CCDC62: variants seen among roughly 807,000 people sequenced by gnomAD.
CCDC62 encodes the protein coiled-coil domain containing 62.
Under a neutral mutation model 80.8 loss-of-function variants are expected in CCDC62, and 72 were observed. The ratio of observed to expected loss-of-function variants is 0.89; its 90% CI spans 0.74 to 1.08. The LOEUF is 1.08. Among genes scored for constraint, CCDC62 ranks in the 50% least tolerant of loss-of-function variants. CCDC62 has a pLI of 0.00. For missense variants in CCDC62, 704 were observed against 809.4 expected (o/e 0.87, Z 1.58); for synonymous variants, 286 against 296.5 (o/e 0.96, Z 0.36).
At chr12:122,812,088 G>A (rs1004682619) in intron 10 of CCDC62, among the ~76,000 whole-genome samples, 1 of 152,070 alleles carries the variant, frequency 6.6e-6, no homozygotes, top group Admixed American at 6.6e-5. Context: ...TCGCATGGGT[G>A]TTACTTCATT....
chr12:122,824,243 G>A (rs886627330), intron 12 of CCDC62, among the ~76,000 whole-genome samples: 4 of 151,310 alleles, frequency 2.6e-5, no homozygotes, highest in Admixed American at 6.6e-5. Flanking sequence ...TGGTGAAACC[G>A]CGTTTCTACT....
At chr12:122,804,800 C>T (rs1368641739) in intron 9 of CCDC62, among the ~76,000 whole-genome samples, 1 of 151,690 alleles carries the variant, frequency 6.6e-6, no homozygotes, top group African/African-American at 2.4e-5. Context: ...TCACTGCAGC[C>T]TCTAACTCCT....
intron 1 of CCDC62, among the ~76,000 whole-genome samples, chr12:122,776,341 C>G (rs1397907529): frequency 6.6e-6 from 1 of 151,896 alleles, no homozygotes; most frequent in Non-Finnish European, 1.5e-5. Flanking sequence ...CTGTATACTT[C>G]AAAGAAATTA....
At chr12:122,796,147 A>G (rs969193144) in intron 6 of CCDC62, among the ~76,000 whole-genome samples, 2 of 152,142 alleles carry the variant, frequency 1.3e-5, no homozygotes, top group Non-Finnish European at 2.9e-5. Flanking sequence ...TTAAGGCAAC[A>G]TTCAAATATA....
chr12:122,793,279 G>A (rs1008126179), intron 6 of CCDC62, among the ~76,000 whole-genome samples: 2 of 152,034 alleles, frequency 1.3e-5, no homozygotes, highest in Non-Finnish European at 2.9e-5. Context: ...CTGAGGGTAG[G>A]TATCAGTAGA....
intron 3 of CCDC62, among the ~76,000 whole-genome samples, chr12:122,782,212 C>T (rs573423911): frequency 2.2e-4 from 34 of 152,094 alleles, no homozygotes; most frequent in Middle Eastern, 3.4e-3. Context: ...AAAATGCATA[C>T]GTGTGTGTAC....
intron 10 of CCDC62, 109 bp downstream of exon 10, chr12:122,806,404 G>GTTTTTTT: frequency 2.3e-6 from 1 of 438,130 alleles, no homozygotes; most frequent in Non-Finnish European, 3.8e-6. Context: ...CTATTCCTCC[G>GTTTTTTT]TTTTTTTTTT....
At position 122,801,201 on chromosome 12, in the gene CCDC62, T is replaced by G; in HGVS notation, c.1055T>G (p.Leu352Arg). ...DIKREKNQKS[L>R]FKDQKFEAML... ...AAGAGGGAAAAAAATCAGAAGTCAC[T>G]GTTTAAGGACCAGAAATTTGAAGCC... The change falls in exon 9 of 13, where the codon CTG becomes CGG. Residue 352 changes from leucine (L) to arginine (R), a missense_variant. Physicochemically the swap from Leu to Arg is moderately radical, Grantham distance 102. Coordinates refer to ENST00000253079, the MANE Select transcript of CCDC62 (RefSeq NM_201435.5). The G allele has an allele frequency of 6.2e-7, 1 of 1,614,038 alleles. No individual in the cohort carries two copies. Among genetic ancestry groups the G allele is most frequent in the Admixed American group, 1.7e-5 (1 of 59,982 alleles).
intron 6 of CCDC62, among the ~76,000 whole-genome samples, chr12:122,794,944 T>G (rs2030843496): frequency 6.6e-6 from 1 of 152,174 alleles, no homozygotes; most frequent in African/African-American, 2.4e-5. Flanking sequence ...GTACTAAGAT[T>G]ATAGGCATGA....
chr12:122,802,088 G>A (rs1202024740), intron 9 of CCDC62, among the ~76,000 whole-genome samples: 1 of 152,144 alleles, frequency 6.6e-6, no homozygotes, highest in Non-Finnish European at 1.5e-5. Flanking sequence ...GACGGCTTCT[G>A]AGGCAAAGGT....
At chr12:122,806,502 GAC>G (rs1015742185) in intron 10 of CCDC62, among the ~76,000 whole-genome samples, 12 of 149,694 alleles carry the variant, frequency 8.0e-5, no homozygotes, top group African/African-American at 3.0e-4. Flanking sequence ...GTTTCTTTGA[GAC>G]AGGATACTCA....
rs56167273 is a variant in CCDC62 at position 122,805,343 on chromosome 12, C to CT, written c.1707-789dup. Among the ~76,000 whole-genome samples, 735 of 105,134 alleles carry CT rather than the reference C, an allele frequency of 7.0e-3. 14 individuals carry two copies. The highest frequency in any genetic ancestry group is 7.8e-3 in the African/African-American group (232 of 29,876). The allele number at this position is 105,134 out of a possible 152,430, so 69.0% of individuals were successfully genotyped here. ...TTTACCTAATAATTTTGTCTTAATT[C>CT]TTTTTTTTTTTTTTTTTTTGAGACA... On this transcript the variant is annotated intron_variant, in intron 9 of 12. Coordinates refer to ENST00000253079, the MANE Select transcript of CCDC62 (RefSeq NM_201435.5).
chr12:122,801,130 CAT>C lies in CCDC62; in HGVS notation c.985_986del (p.Met329ValfsTer6). ...ESKALDSSRD[M>X]CLSDLENNHP... is the part of the protein sequence containing the mutation. Reference sequence around the variant, plus strand: ...TTTTCTAATGCCACCATAGCAGAGACATGTGTTTATCAGACCTTGAAAATAAC... The same window carrying C: ...TTTTCTAATGCCACCATAGCAGAGACGTGTTTATCAGACCTTGAAAATAAC... On this transcript the variant is annotated frameshift_variant, in exon 9 of 13. Coordinates refer to ENST00000253079, the MANE Select transcript of CCDC62 (RefSeq NM_201435.5). LOFTEE classifies it high-confidence loss of function. 1 of 1,608,592 alleles carries C rather than the reference CAT, an allele frequency of 6.2e-7. No individual in the cohort carries two copies. The highest frequency in any genetic ancestry group is 8.5e-7 in the Non-Finnish European group (1 of 1,178,306).
At chr12:122,798,325 G>A (rs544452118) in intron 8 of CCDC62, 125 bp downstream of exon 8, 11 of 619,568 alleles carry the variant, frequency 1.8e-5, no homozygotes, top group Admixed American at 1.2e-4. Flanking sequence ...AAATGTGGCC[G>A]GGCACGGTGC....
chr12:122,806,146 C>T lies in CCDC62; in HGVS notation c.1707-5C>T, dbSNP rs1307441027. The stretch of plus-strand genomic sequence containing the variant: ...TTTGTTTTTGTTGGGTTTTCTTATT[C>T]TTAGTGAGCTAATTGCCATCCAAGA... On this transcript the variant is annotated splice_polypyrimidine_tract_variant and splice_region_variant and intron_variant, in intron 9 of 12. Transcript: ENST00000253079. The T allele has an allele frequency of 6.2e-7, 1 of 1,608,256 alleles. No homozygotes were observed.
chr12:122,785,787 A>C lies in CCDC62; in HGVS notation c.465A>C (p.Arg155=). 6.2e-7 allele frequency: 1 copy of C among 1,613,254 alleles called. No homozygotes were observed. The highest frequency in any genetic ancestry group is 8.5e-7 in the Non-Finnish European group (1 of 1,179,166). ...CCCAGGTAGGACAGCTACAAGCTCG[A>C]GAACAAGCTCTTACGACAATGATAA... ...LSAQVGQLQA[R]EQALTTMIKL... is the part of the protein sequence containing the mutation. The change falls in exon 4 of 13, where the codon CGA becomes CGC. Residue 155 remains arginine (R), a synonymous_variant. Transcript: ENST00000253079.
chr12:122,819,019 A>G (rs2032294911), intron 11 of CCDC62, among the ~76,000 whole-genome samples: 1 of 152,196 alleles, frequency 6.6e-6, no homozygotes, highest in African/African-American at 2.4e-5. Context: ...AAATGACCGA[A>G]TCTCTTTAGT....
At chr12:122,798,800 C>T (rs1317221528) in intron 8 of CCDC62, among the ~76,000 whole-genome samples, 1 of 151,232 alleles carries the variant, frequency 6.6e-6, no homozygotes, top group Non-Finnish European at 1.5e-5. Flanking sequence ...AATAAATAGG[C>T]CTGGCGCGGT....
At chr12:122,792,391 T>C (rs2030681505) in intron 6 of CCDC62, among the ~76,000 whole-genome samples, 1 of 151,448 alleles carries the variant, frequency 6.6e-6, no homozygotes, top group Non-Finnish European at 1.5e-5. Flanking sequence ...CGGCTAAATT[T>C]TGTATATTTA....
Sources: allele counts gnomAD v4.1 joint callset (sites outside exome capture counted in the v4.1 genomes callset), GRCh38; gene constraint gnomAD v4.1.1; transcripts MANE v1.5; gene names NCBI Gene and HGNC (gene_info 2026-07-23, HGNC 2026-07-21).